The following FAM178B variants were observed in gnomAD, a reference collection of about 807,000 sequenced individuals.
FAM178B encodes family with sequence similarity 178 member B.
Under a neutral mutation model 91.7 loss-of-function variants are expected in FAM178B, and 82 were observed. That is an observed-to-expected ratio of 0.89 (90% CI 0.75 to 1.07). The LOEUF (loss-of-function observed/expected upper bound fraction) is 1.07, where lower values mean the gene tolerates loss of function less well. FAM178B is among the 50% of genes least tolerant of loss of function. FAM178B has a pLI of 0.00. For synonymous variants in FAM178B, 368 were observed against 359.4 expected (o/e 1.02, Z -0.27); for missense variants, 769 against 846.7 (o/e 0.91, Z 1.14).
At chr2:96,905,051 C>CT (rs1269576141) in intron 12 of FAM178B, among the ~76,000 whole-genome samples, 7 of 131,468 alleles carry the variant, frequency 5.3e-5, no homozygotes. Context: ...AACCCCAACT[C>CT]TTAAAAAAAA....
At chr2:96,955,751 G>A (rs1338630845) in intron 6 of FAM178B, among the ~76,000 whole-genome samples, 3 of 152,148 alleles carry the variant, frequency 2.0e-5, no homozygotes, top group African/African-American at 7.2e-5. Context: ...GGCCCTGCTT[G>A]CTACCTCCGC....
chr2:96,904,351 A>G (rs1340082880), intron 12 of FAM178B, among the ~76,000 whole-genome samples: 4 of 152,060 alleles, frequency 2.6e-5, no homozygotes, highest in African/African-American at 9.7e-5. Flanking sequence ...GACACAAAAA[A>G]TGTATCTGCA....
At chr2:96,925,413 A>G (rs2081420577) in intron 9 of FAM178B, among the ~76,000 whole-genome samples, 1 of 152,162 alleles carries the variant, frequency 6.6e-6, no homozygotes, top group South Asian at 2.1e-4. Flanking sequence ...ACTAATGGGC[A>G]ACATAATGGG....
intron 5 of FAM178B, among the ~76,000 whole-genome samples, chr2:96,962,950 A>G (rs936747729): frequency 4.6e-5 from 7 of 152,178 alleles, no homozygotes; most frequent in African/African-American, 1.7e-4. Flanking sequence ...ACACTGGTGA[A>G]TGACTTTTGT....
intron 12 of FAM178B, among the ~76,000 whole-genome samples, chr2:96,903,434 C>T (rs576369388): frequency 2.8e-4 from 42 of 152,296 alleles, no homozygotes; most frequent in African/African-American, 9.9e-4. Flanking sequence ...CCTCAGCAGG[C>T]CAAACTTCAT....
At position 96,902,636 on chromosome 2, in the gene FAM178B, CAG is replaced by C. The variant is rs1339753128; in HGVS notation, c.1632_1633del (p.Trp545AlafsTer41). 1 of 1,550,434 alleles carries C rather than the reference CAG, an allele frequency of 6.4e-7. No homozygotes were observed. Among genetic ancestry groups the C allele is most frequent in the African/African-American group, 1.4e-5 (1 of 73,008 alleles). On this transcript the variant is annotated frameshift_variant, in exon 13 of 17. Coordinates refer to ENST00000490605, the MANE Select transcript of FAM178B (RefSeq NM_001122646.3). LOFTEE classifies it high-confidence loss of function. ...AACACTCACCTGGGTCTTCTCTTGC[CAG>C]AGAGGGAGCATCTCCTGCTGGCCCA...
intron 14 of FAM178B, among the ~76,000 whole-genome samples, chr2:96,884,029 T>C (rs2080455704): frequency 6.6e-6 from 1 of 152,202 alleles, no homozygotes; most frequent in Non-Finnish European, 1.5e-5. Context: ...AGGCTGAAGC[T>C]GTGCTGGTCT....
At chr2:96,974,773 A>C (rs2082267967) in intron 1 of FAM178B, among the ~76,000 whole-genome samples, 1 of 152,144 alleles carries the variant, frequency 6.6e-6, no homozygotes, top group Non-Finnish European at 1.5e-5. Context: ...AGTACAAGAG[A>C]CAAAGATTAT....
chr2:96,961,312 G>GGTGTCTGT (rs1553508275), intron 5 of FAM178B, among the ~76,000 whole-genome samples: 60 of 146,842 alleles, frequency 4.1e-4, no homozygotes, highest in African/African-American at 1.5e-3. Context: ...AGCAGCAGAG[G>GGTGTCTGT]GTGTGTGTGT....
At chr2:96,941,491 C>T (rs1025331024) in intron 8 of FAM178B, among the ~76,000 whole-genome samples, 7 of 152,124 alleles carry the variant, frequency 4.6e-5, no homozygotes, top group African/African-American at 1.7e-4. Flanking sequence ...GTACGGAAAC[C>T]CAAGGCCCCA....
chr2:96,938,734 C>T (rs541670699), intron 8 of FAM178B, among the ~76,000 whole-genome samples: 3 of 152,394 alleles, frequency 2.0e-5, no homozygotes, highest in African/African-American at 4.8e-5. Context: ...TTGGAGCTCA[C>T]GGCCCATTGG....
chr2:96,890,730 C>T (rs747098771), intron 14 of FAM178B, among the ~76,000 whole-genome samples: 4 of 152,154 alleles, frequency 2.6e-5, no homozygotes, highest in African/African-American at 9.7e-5. Context: ...GCAACTGGGG[C>T]GAATTGGTAT....
chr2:96,968,075 C>T (rs1168844374), intron 4 of FAM178B, among the ~76,000 whole-genome samples: 2 of 151,752 alleles, frequency 1.3e-5, no homozygotes, highest in African/African-American at 4.8e-5. Context: ...CAGGCAAGCA[C>T]TCGGATTCGT....
chr2:96,927,025 G>A (rs1450826279), intron 9 of FAM178B, among the ~76,000 whole-genome samples: 2 of 152,244 alleles, frequency 1.3e-5, no homozygotes, highest in Non-Finnish European at 2.9e-5. Flanking sequence ...CAGCCTCTGA[G>A]TTGGTGAGGA....
intron 6 of FAM178B, among the ~76,000 whole-genome samples, chr2:96,959,241 A>C (rs2082047082): frequency 6.6e-6 from 1 of 150,424 alleles, no homozygotes; most frequent in Non-Finnish European, 1.5e-5. Flanking sequence ...TCCTGCAATA[A>C]TGGTGTTGGT....
Position 96,933,192 on chromosome 2 carries a change from G to A in FAM178B, c.1079-3872C>T, listed in dbSNP as rs564590018. Among the ~76,000 whole-genome samples, 5 of 152,168 alleles carry A rather than the reference G, an allele frequency of 3.3e-5. No homozygotes were observed. In the South Asian group the frequency reaches 6.2e-4, roughly 19 times the overall value. ...CAGGAGGTGGAGGTTGCAGTTAGCC[G>A]AGATCGCGCCACTGCACTCCAGCCT... On this transcript the variant is annotated intron_variant, in intron 8 of 16. Coordinates refer to ENST00000490605, the MANE Select transcript of FAM178B (RefSeq NM_001122646.3).
intron 8 of FAM178B, 83 bp downstream of exon 8, chr2:96,947,735 G>C: frequency 1.3e-6 from 1 of 775,422 alleles, no homozygotes; most frequent in Non-Finnish European, 2.2e-6. Context: ...CTCGCCTGCA[G>C]CTGGGCTCTG....
intron 14 of FAM178B, among the ~76,000 whole-genome samples, chr2:96,890,736 G>T (rs1221397683): frequency 6.6e-6 from 1 of 152,266 alleles, no homozygotes; most frequent in African/African-American, 2.4e-5. Flanking sequence ...GGGGCGAATT[G>T]GTATCCATGG....
At position 96,877,811 on chromosome 2, in the gene FAM178B, G is replaced by A. The variant is rs546447531; in HGVS notation, c.2007+79C>T. On this transcript the variant is annotated intron_variant, in intron 16 of 16. Coordinates refer to ENST00000490605, the MANE Select transcript of FAM178B (RefSeq NM_001122646.3). ...GGAGCTCAGCAGCTGCAGCGGGGGT[G>A]GATGTGCTGGTGGCTCTGGCCAGCC... The A allele has an allele frequency of 7.1e-6, 10 of 1,416,442 alleles. No individual in the cohort carries two copies. In the African/African-American group the frequency reaches 1.1e-4, roughly 16 times the overall value. The allele number at this position is 1,416,442 out of a possible 1,614,324, so 87.7% of individuals were successfully genotyped here. A position where few individuals can be genotyped will look rare whatever the true frequency, so the allele number is the denominator to read the frequency against.
Sources: gnomAD v4.1 joint callset for allele counts (sites outside exome capture counted in the v4.1 genomes callset) on GRCh38, gnomAD v4.1.1 for gene constraint, MANE v1.5 for transcripts, NCBI Gene and HGNC (gene_info 2026-07-23, HGNC 2026-07-21) for gene names.